Variants in HDGFL2 observed in about 807,000 individuals in gnomAD.
The protein encoded by HDGFL2 is hepatoma-derived growth factor-related protein 2.
A neutral mutation model predicts 77.1 loss-of-function variants in HDGFL2; 36 were observed. The observed-to-expected ratio is 0.47, with a 90% CI of 0.36 to 0.62. The LOEUF is 0.62. HDGFL2 is among the 20% of genes least tolerant of loss of function. The probability of loss-of-function intolerance (pLI) is 0.00; values close to 1 mark genes in which losing one functional copy is unlikely to be tolerated. For synonymous variants in HDGFL2, 463 were observed against 413.1 expected, an observed-to-expected ratio of 1.12 and a Z score of -1.46; for missense variants, 976 against 973.4, an observed-to-expected ratio of 1.00 and a Z score of -0.04.
chr19:4,480,526 C>G lies in HDGFL2; in HGVS notation c.288+4943C>G, dbSNP rs531967194. Reference sequence around the variant, plus strand: ...CTGAGGTCAGGAGTTTGAGATCAGCCTGGCCAATGGGGTGAAACCCCATCT... The same window carrying G: ...CTGAGGTCAGGAGTTTGAGATCAGCGTGGCCAATGGGGTGAAACCCCATCT... On this transcript the variant is annotated intron_variant, in intron 3 of 15. Transcript: ENST00000616600. Among the ~76,000 whole-genome samples, 95 of 152,334 alleles carry G rather than the reference C, an allele frequency of 6.2e-4. 1 individual carries two copies. Among genetic ancestry groups the G allele is most frequent in the African/African-American group, 2.0e-3 (84 of 41,592 alleles).
chr19:4,499,414 T>C, intron 13 of HDGFL2, 77 bp from the exon 14 acceptor site: 1 of 1,368,550 alleles, frequency 7.3e-7, no homozygotes, highest in South Asian at 1.3e-5. Flanking sequence ...AGGGGCGCAT[T>C]GCTGGGGCGA....
chr19:4,498,119 C>A, intron 11 of HDGFL2, 88 bp downstream of exon 11: 1 of 1,300,844 alleles, frequency 7.7e-7, no homozygotes, highest in Non-Finnish European at 1.1e-6. Flanking sequence ...TCCCGCCTGT[C>A]CCTAGAGAGG....
chr19:4,499,017 C>T lies in HDGFL2; in HGVS notation c.1575+102C>T, dbSNP rs1232304360. On this transcript the variant is annotated intron_variant, in intron 13 of 15. Coordinates refer to ENST00000616600, the MANE Select transcript of HDGFL2 (RefSeq NM_001001520.3). ...CCAGCAGGTTCCTGTCGGGACAGCC[C>T]TGGGTCAGCGAGGAGGCCGTGGGCT... 13 of 807,134 alleles carry T rather than the reference C, an allele frequency of 1.6e-5. No homozygotes were observed. In the East Asian group the frequency reaches 3.6e-4, roughly 22 times the overall value. The allele number at this position is 807,134 out of a possible 1,614,324, so 50.0% of individuals were successfully genotyped here. A position where few individuals can be genotyped will look rare whatever the true frequency, so the allele number is the denominator to read the frequency against.
At chr19:4,488,952 CTTTT>C (rs34663282) in intron 4 of HDGFL2, 76 bp downstream of exon 4, 6,484 of 690,150 alleles carry the variant, frequency 9.4e-3, no homozygotes, top group East Asian at 0.01. Flanking sequence ...CTCTCCTGCC[CTTTT>C]TTTTTTTTTT....
intron 6 of HDGFL2, 79 bp from the exon 7 acceptor site, chr19:4,493,624 G>A (rs758937539): frequency 4.5e-6 from 6 of 1,322,142 alleles, no homozygotes; most frequent in South Asian, 2.3e-5. Context: ...CAGGGGTGCG[G>A]GAGCCTCCTC....
intron 3 of HDGFL2, among the ~76,000 whole-genome samples, chr19:4,481,247 G>T (rs578142214): frequency 7.6e-6 from 1 of 131,250 alleles, no homozygotes; most frequent in Non-Finnish European, 1.5e-5. Context: ...CTGGAGTGCA[G>T]TGGCGCGATC....
chr19:4,488,551 C>A, intron 3 of HDGFL2, 125 bp from the exon 4 acceptor site: 1 of 857,338 alleles, frequency 1.2e-6, no homozygotes, highest in Non-Finnish European at 1.8e-6. Context: ...ATTTGTAAAG[C>A]CAGGAGACAA....
At chr19:4,493,124 T>TGG in intron 6 of HDGFL2, among the ~76,000 whole-genome samples, 1 of 141,298 alleles carries the variant, frequency 7.1e-6, no homozygotes, top group Non-Finnish European at 1.6e-5. Context: ...TGTCTGTGTG[T>TGG]GGTGTGTGTG....
Position 4,473,221 on chromosome 19 carries a change from C to T in HDGFL2, c.72+799C>T, listed in dbSNP as rs567383922. The stretch of plus-strand genomic sequence containing the variant: ...TGCGCCGTGGGGATCTGGGGGGTGT[C>T]CAGGGCCTGAAGGAGCTGCGGCGCC... On this transcript the variant is annotated intron_variant, in intron 1 of 15. Transcript: ENST00000616600. 3.7e-4 allele frequency among the ~76,000 whole-genome samples: 52 copies of T among 142,046 alleles called. 1 individual carries two copies. Among genetic ancestry groups the T allele is most frequent in the African/African-American group, 1.3e-3 (50 of 37,854 alleles). The allele number at this position is 142,046 out of a possible 152,430, so 93.2% of individuals were successfully genotyped here. A position where few individuals can be genotyped will look rare whatever the true frequency, so the allele number is the denominator to read the frequency against.
intron 6 of HDGFL2, 125 bp from the exon 7 acceptor site, chr19:4,493,578 G>A (rs1568213669): frequency 5.7e-6 from 7 of 1,217,740 alleles, no homozygotes; most frequent in Admixed American, 4.0e-5. Context: ...ATTCGGAGCC[G>A]GGCCCTGAGC....
rs1291379003 is a variant in HDGFL2, at chr19:4,498,050, G to A, written c.1402+19G>A. 3 of 1,548,096 alleles carry A rather than the reference G, an allele frequency of 1.9e-6. No individual in the cohort carries two copies. The South Asian group carries it at 3.6e-5, about 18-fold the overall frequency. The stretch of plus-strand genomic sequence containing the variant: ...AAGAAAGGTGAGGCCTGGCTGCCCA[G>A]CACTGCCCACACTGAGTTCACTGAG... On this transcript the variant is annotated intron_variant, in intron 11 of 15. Coordinates refer to ENST00000616600, the MANE Select transcript of HDGFL2 (RefSeq NM_001001520.3).
chr19:4,496,403 C>T lies in HDGFL2; in HGVS notation c.1326C>T (p.Ala442=). The T allele has an allele frequency of 6.2e-7, 1 of 1,612,834 alleles. No individual in the cohort carries two copies. Among genetic ancestry groups the T allele is most frequent in the Non-Finnish European group, 8.5e-7 (1 of 1,179,242 alleles). ...TGCGGCCCGAGGAGAAGCAACAAGC[C>T]AAGTGAGCCCTGCTCTGCCCCTCCA... is the stretch of plus-strand genomic sequence containing the variant. The part of the protein sequence containing the change: ...KRVRPEEKQQ[A]KPVKVERTRK... The change falls in exon 10 of 16, where the codon GCC becomes GCT. Residue 442 remains alanine, a splice_region_variant and synonymous_variant. Transcript: ENST00000616600.
chr19:4,501,960 G>A lies in HDGFL2; in HGVS notation c.1966G>A (p.Glu656Lys). 1 of 1,504,056 alleles carries A rather than the reference G, an allele frequency of 6.6e-7. No homozygotes were observed. Among genetic ancestry groups the A allele is most frequent in the Non-Finnish European group, 8.8e-7 (1 of 1,132,712 alleles). The allele number at this position is 1,504,056 out of a possible 1,614,324, so 93.2% of individuals were successfully genotyped here. A position where few individuals can be genotyped will look rare whatever the true frequency, so the allele number is the denominator to read the frequency against. ...DLDRPGSDRQ[E>K]RERARGDSEA... ...GGACAGGCCTGGGAGCGACCGGCAG[G>A]AGCGCGAGAGGGCACGGGGGGACTC... The change falls in exon 16 of 16, where the codon GAG (glutamate) becomes AAG (lysine). Residue 656 changes from glutamate (E) to lysine (K), a missense_variant. Physicochemically the swap from Glu to Lys is moderately conservative, Grantham distance 56 (BLOSUM62 1). Coordinates refer to ENST00000616600, the MANE Select transcript of HDGFL2 (RefSeq NM_001001520.3).
At position 4,488,757 on chromosome 19, in the gene HDGFL2, G is replaced by A; in HGVS notation, c.370G>A (p.Gly124Arg). 1 of 1,553,294 alleles carries A rather than the reference G, an allele frequency of 6.4e-7. No homozygotes were observed. The highest frequency in any genetic ancestry group is 1.2e-5 in the South Asian group (1 of 84,238). Residue 124 changes from glycine (G) to arginine (R), a missense_variant, in exon 4 of 16, where the codon GGG becomes AGG. Transcript: ENST00000616600. ...SDADEDDEDRGVMAVTAVTAT... is the reference protein window; with the variant it reads ...SDADEDDEDRRVMAVTAVTAT... ...CGCTGACGAGGACGATGAGGACCGG[G>A]GGGTCATGGCCGTCACAGCGGTAAC...
At chr19:4,487,217 C>T (rs373160737) in intron 3 of HDGFL2, among the ~76,000 whole-genome samples, 13 of 152,258 alleles carry the variant, frequency 8.5e-5, no homozygotes, top group South Asian at 6.2e-4. Flanking sequence ...CCACCCACCG[C>T]GGCCTCCCAA....
At chr19:4,473,720 T>A (rs908753581) in intron 1 of HDGFL2, among the ~76,000 whole-genome samples, 1 of 150,994 alleles carries the variant, frequency 6.6e-6, no homozygotes, top group Admixed American at 6.6e-5. Flanking sequence ...CGGGGCTCTG[T>A]TCACGGGGTC....
chr19:4,489,585 G>A (rs1319572574), intron 4 of HDGFL2, among the ~76,000 whole-genome samples: 3 of 152,112 alleles, frequency 2.0e-5, no homozygotes, highest in African/African-American at 2.4e-5. Context: ...TCGTATTTTA[G>A]TAGAGACAGG....
intron 3 of HDGFL2, among the ~76,000 whole-genome samples, chr19:4,485,376 A>G (rs551900442): frequency 6.6e-6 from 1 of 152,012 alleles, no homozygotes; most frequent in African/African-American, 2.4e-5. Flanking sequence ...ATTCTATCCT[A>G]TTGTTATACC....
chr19:4,488,462 G>A (rs528717335), intron 3 of HDGFL2, among the ~76,000 whole-genome samples: 3 of 152,238 alleles, frequency 2.0e-5, no homozygotes, highest in East Asian at 1.9e-4. Context: ...CCCGCGGCCC[G>A]ACCCTAGTGC....
Sources: allele counts gnomAD v4.1 joint callset (sites outside exome capture counted in the v4.1 genomes callset), GRCh38; gene constraint gnomAD v4.1.1; transcripts MANE v1.5; gene names NCBI Gene and HGNC (gene_info 2026-07-23, HGNC 2026-07-21).